The following SGPL1 variants were observed in gnomAD, a reference collection of about 807,000 sequenced individuals.
SGPL1 encodes SP-lyase 1.
SGPL1 carries 37 observed loss-of-function variants against 68.9 expected under a neutral mutation model. The ratio of observed to expected loss-of-function variants is 0.54; its 90% confidence interval spans 0.41 to 0.71. The LOEUF is 0.71. SGPL1 is among the 30% of genes least tolerant of loss of function. The probability of loss-of-function intolerance (pLI) is 0.00; values close to 1 mark genes in which losing one functional copy is unlikely to be tolerated. For synonymous variants in SGPL1, 236 were observed against 248.5 expected (o/e 0.95, Z 0.47); for missense variants, 551 against 704.6 (o/e 0.78, Z 2.47).
At chr10:70,870,020 A>G in intron 9 of SGPL1, 123 bp downstream of exon 9, 1 of 677,594 alleles carries the variant, frequency 1.5e-6, no homozygotes. Flanking sequence ...CCAGAATATG[A>G]AAAACTGCAT....
intron 4 of SGPL1, among the ~76,000 whole-genome samples, chr10:70,852,450 G>T (rs1050850951): frequency 1.3e-5 from 2 of 152,192 alleles, no homozygotes; most frequent in Non-Finnish European, 2.9e-5. Context: ...AAGGGGTGGG[G>T]ACAGGGAAGG....
intron 6 of SGPL1, among the ~76,000 whole-genome samples, chr10:70,857,903 T>C (rs1179617344): frequency 6.6e-6 from 1 of 152,246 alleles, no homozygotes; most frequent in Admixed American, 6.5e-5. Context: ...ATGTTATTTA[T>C]GTTTTCAGTC....
rs569127531 is a variant in SGPL1 at position 70,867,189 on chromosome 10, T to G, written c.616-1156T>G. 4.6e-5 allele frequency among the ~76,000 whole-genome samples: 7 copies of G among 152,324 alleles called. No homozygotes were observed. In the South Asian group the frequency reaches 1.5e-3, roughly 32 times the overall value. On this transcript the variant is annotated intron_variant, in intron 7 of 14. Transcript: ENST00000373202. ...TGTTTTGGAATGATTCATTCTCATATATTATTTTTTAAAAAAATAGCCAGG... is the reference window on the plus strand; with the variant it reads ...TGTTTTGGAATGATTCATTCTCATAGATTATTTTTTAAAAAAATAGCCAGG...
chr10:70,849,612 CA>C (rs1845847070), intron 3 of SGPL1, among the ~76,000 whole-genome samples: 1 of 152,126 alleles, frequency 6.6e-6, no homozygotes, highest in South Asian at 2.1e-4. Flanking sequence ...GCAGCTGAAG[CA>C]AAAACAGCTA....
In SGPL1 at chr10:70,875,992, T is replaced by TC. The variant is rs1192291089; in HGVS notation, c.1445+446dup. ...TGATGCCTTTGAGTAAATGCACCAC[T>TC]CCAACTGAGTACAGGTCTGTTCATG... is the stretch of plus-strand genomic sequence containing the variant. On this transcript the variant is annotated intron_variant, in intron 13 of 14. Coordinates refer to ENST00000373202, the MANE Select transcript of SGPL1 (RefSeq NM_003901.4). Among the ~76,000 whole-genome samples the TC allele has an allele frequency of 3.9e-5, 6 of 152,364 alleles. 1 individual carries two copies. The highest frequency in any genetic ancestry group is 4.1e-4 in the South Asian group (2 of 4,828).
At position 70,844,625 on chromosome 10, in the gene SGPL1, C is replaced by T; in HGVS notation, c.180C>T (p.Val60=). The change falls in exon 3 of 15, where the codon GTC becomes GTT. Residue 60 remains valine, a synonymous_variant. Transcript: ENST00000373202. The stretch of plus-strand genomic sequence containing the variant: ...TGATAGTCTGGGGATATGAGTTTGT[C>T]TTCCAGCCAGAGAGTAAGTATGCTG... ...TLLIVWGYEF[V]FQPESLWSRF... is the part of the protein sequence containing the mutation. 1 of 1,613,960 alleles carries T rather than the reference C, an allele frequency of 6.2e-7. No individual in the cohort carries two copies. The highest frequency in any genetic ancestry group is 8.5e-7 in the Non-Finnish European group (1 of 1,179,980).
At chr10:70,849,150 CTT>C (rs1845837037) in intron 3 of SGPL1, among the ~76,000 whole-genome samples, 2 of 152,204 alleles carry the variant, frequency 1.3e-5, no homozygotes, top group Non-Finnish European at 2.9e-5. Flanking sequence ...CATTACTATA[CTT>C]CTGGACAGCT....
chr10:70,873,422 C>A lies in SGPL1; in HGVS notation c.1131C>A (p.Phe377Leu). The change falls in exon 12 of 15, where the codon TTC becomes TTA. Residue 377 changes from phenylalanine (F) to leucine (L), a missense_variant. Coordinates refer to ENST00000373202, the MANE Select transcript of SGPL1 (RefSeq NM_003901.4). ...SDKKYRNYQFFVDTDWQGGIY... is the reference protein window; with the variant it reads ...SDKKYRNYQFLVDTDWQGGIY... ...AGAAGTACAGGAACTATCAGTTCTTCGTCGATACAGATTGGCAGGGTGGCA... is the reference window on the plus strand; with the variant it reads ...AGAAGTACAGGAACTATCAGTTCTTAGTCGATACAGATTGGCAGGGTGGCA... 4 of 1,614,242 alleles carry A rather than the reference C, an allele frequency of 2.5e-6. No homozygotes were observed. The highest frequency in any genetic ancestry group is 3.4e-6 in the Non-Finnish European group (4 of 1,180,046).
Position 70,851,127 on chromosome 10 carries a change from C to T in SGPL1, c.194-16C>T. ...TGGAAATTTATTTGAATAAGAGAAC[C>T]ATTTGTTTCTTTTAGGTTTATGGTC... On this transcript the variant is annotated splice_polypyrimidine_tract_variant and intron_variant, in intron 3 of 14. Coordinates refer to ENST00000373202, the MANE Select transcript of SGPL1 (RefSeq NM_003901.4). 6.2e-7 allele frequency: 1 copy of T among 1,604,246 alleles called. No individual in the cohort carries two copies. Among genetic ancestry groups the T allele is most frequent in the Non-Finnish European group, 8.5e-7 (1 of 1,171,222 alleles).
chr10:70,841,933 G>A (rs1214430960), intron 2 of SGPL1, among the ~76,000 whole-genome samples: 8 of 151,806 alleles, frequency 5.3e-5, no homozygotes, highest in Admixed American at 6.6e-5. Context: ...CCAGTCTGTC[G>A]AACTTGAACT....
chr10:70,875,028 T>C (rs892188192), intron 12 of SGPL1, among the ~76,000 whole-genome samples: 1 of 152,260 alleles, frequency 6.6e-6, no homozygotes, highest in East Asian at 1.9e-4. Flanking sequence ...CATATGACTT[T>C]TTAGAACTGT....
Position 70,877,449 on chromosome 10 carries a change from G to A in SGPL1, c.*114G>A. The A allele has an allele frequency of 1.0e-6, 1 of 955,374 alleles. No homozygotes were observed. Among genetic ancestry groups the A allele is most frequent in the Admixed American group, 2.1e-5 (1 of 46,866 alleles). 59.2% of individuals were successfully genotyped at this position (955,374 alleles called of 1,614,324 possible). ...TCTTGCTCCATAGAGCACAACTCAAGATAGACCATGAGACAGCTTGAGCCT... is the reference window on the plus strand; with the variant it reads ...TCTTGCTCCATAGAGCACAACTCAAAATAGACCATGAGACAGCTTGAGCCT... On this transcript the variant is annotated 3_prime_UTR_variant, in exon 15 of 15. Transcript: ENST00000373202.
At chr10:70,835,553 G>A (rs1297284481) in intron 2 of SGPL1, among the ~76,000 whole-genome samples, 2 of 151,944 alleles carry the variant, frequency 1.3e-5, no homozygotes, top group East Asian at 1.9e-4. Flanking sequence ...TGGCTAACAC[G>A]GTGAAACCCT....
intron 3 of SGPL1, among the ~76,000 whole-genome samples, chr10:70,848,568 G>A (rs1481793337): frequency 1.4e-5 from 2 of 146,862 alleles, no homozygotes; most frequent in Non-Finnish European, 3.0e-5. Flanking sequence ...GGGTTCAAGC[G>A]ATTCACTTGC....
At position 70,860,604 on chromosome 10, in the gene SGPL1, T is replaced by G. The variant is rs1846036335; in HGVS notation, c.615+1105T>G. ...GACTTTCAGAGGGAAGATGATAATGTACTTACAGTATATTCTCCTATGCCA... is the reference window on the plus strand; with the variant it reads ...GACTTTCAGAGGGAAGATGATAATGGACTTACAGTATATTCTCCTATGCCA... On this transcript the variant is annotated intron_variant, in intron 7 of 14. Coordinates refer to ENST00000373202, the MANE Select transcript of SGPL1 (RefSeq NM_003901.4). 31 of 370,754 alleles carry G rather than the reference T, an allele frequency of 8.4e-5. 2 individuals carry two copies. The highest frequency in any genetic ancestry group is 6.7e-4 in the South Asian group (31 of 45,948). The allele number at this position is 370,754 out of a possible 1,614,324, so 23.0% of individuals were successfully genotyped here.
intron 6 of SGPL1, among the ~76,000 whole-genome samples, chr10:70,858,281 G>A (rs1564627154): frequency 6.6e-6 from 1 of 152,006 alleles, no homozygotes; most frequent in African/African-American, 2.4e-5. Context: ...GACTACAGGC[G>A]TGCATCATGA....
intron 4 of SGPL1, among the ~76,000 whole-genome samples, chr10:70,852,423 T>C (rs1845897988): frequency 6.6e-6 from 1 of 152,214 alleles, no homozygotes; most frequent in African/African-American, 2.4e-5. Context: ...AAAGTAAATC[T>C]AGTCCTTACA....
rs1171920144 is a variant in SGPL1, at chr10:70,879,223, G to GT, written c.*1891dup. 2 of 152,724 alleles carry GT rather than the reference G, an allele frequency of 1.3e-5. No homozygotes were observed. Among genetic ancestry groups the GT allele is most frequent in the African/African-American group, 4.8e-5 (2 of 41,464 alleles). 9.5% of individuals were successfully genotyped at this position (152,724 alleles called of 1,614,324 possible). On this transcript the variant is annotated 3_prime_UTR_variant, in exon 15 of 15. Transcript: ENST00000373202. ...AGCCTCTCCAGGCTGGTGTCTTCTAGTTTCCCCCACTGGGAATGCTGGCTG... is the reference window on the plus strand; with the variant it reads ...AGCCTCTCCAGGCTGGTGTCTTCTAGTTTTCCCCCACTGGGAATGCTGGCTG...
chr10:70,846,345 G>T (rs954208988), intron 3 of SGPL1, among the ~76,000 whole-genome samples: 1 of 150,766 alleles, frequency 6.6e-6, no homozygotes, highest in Non-Finnish European at 1.5e-5. Flanking sequence ...GATTCTGAGG[G>T]GTAGCAAGAA....
Sources: allele counts gnomAD v4.1 joint callset (sites outside exome capture counted in the v4.1 genomes callset), GRCh38; gene constraint gnomAD v4.1.1; transcripts MANE v1.5; gene names NCBI Gene and HGNC (gene_info 2026-07-23, HGNC 2026-07-21).